Variants in PLCH2 observed in about 807,000 individuals in gnomAD.
The protein encoded by PLCH2 is 1-phosphatidylinositol 4,5-bisphosphate phosphodiesterase eta-2.
PLCH2 carries 98 observed loss-of-function variants against 134.7 expected under a neutral mutation model. The observed-to-expected ratio is 0.73, with a 90% CI of 0.62 to 0.86. PLCH2 has a LOEUF of 0.86. Ranked by LOEUF, PLCH2 falls within the 40% of genes least tolerant of loss-of-function variation. The probability of loss-of-function intolerance (pLI) is 0.00; values close to 1 mark genes in which losing one functional copy is unlikely to be tolerated. For missense variants in PLCH2, 1,994 were observed against 1,986.6 expected, an observed-to-expected ratio of 1.00 and a Z score of -0.07; for synonymous variants, 974 against 827.5, an observed-to-expected ratio of 1.18 and a Z score of -3.04.
rs957849793 is a variant in PLCH2 at position 2,448,331 on chromosome 1, C to A, written c.115+17702C>A. 6.6e-6 allele frequency among the ~76,000 whole-genome samples: 1 copy of A among 152,076 alleles called. No homozygotes were observed. Among genetic ancestry groups the A allele is most frequent in the Non-Finnish European group, 1.5e-5 (1 of 67,988 alleles). On this transcript the variant is annotated intron_variant, in intron 2 of 3. Transcript: ENST00000609981. This position sits in a 1 kb window ranked among gnomAD's most constrained non-coding sequence, Gnocchi z 4.0. The stretch of plus-strand genomic sequence containing the variant: ...GGCCGCGCTCCCTCTGCAGGCTCCC[C>A]GGGAGGAACTTCCTGGCCTCCTCCA...
chr1:2,498,814 T>G lies in PLCH2; in HGVS notation c.2420T>G (p.Val807Gly). The G allele has an allele frequency of 6.2e-7, 1 of 1,609,912 alleles. No individual in the cohort carries two copies. Among genetic ancestry groups the G allele is most frequent in the Non-Finnish European group, 8.5e-7 (1 of 1,177,908 alleles). Residue 807 changes from valine (V) to glycine (G), a missense_variant, in exon 18 of 22, where the codon GTG becomes GGG. By Grantham distance (109) the Val-to-Gly change is moderately radical. Coordinates refer to ENST00000378486, the MANE Select transcript of PLCH2 (RefSeq NM_014638.4). This position sits in a 1 kb window ranked among gnomAD's most constrained non-coding sequence, Gnocchi z 5.4. ...GACTGCAGCAGGGAGCAGACCCGCG[T>G]GGTGGACGACAACGGTGAGGCTGGG... Reference protein sequence around the residue: ...PVDCSREQTRVVDDNGFNPTW... With the variant: ...PVDCSREQTRGVDDNGFNPTW...
chr1:2,459,465 T>TCCTTGCTGGTGGTC (rs1557969694), intron 2 of PLCH2, among the ~76,000 whole-genome samples: 2 of 22,048 alleles, frequency 9.1e-5, no homozygotes, highest in South Asian at 2.4e-3. Context: ...TCCTGGTGGT[T>TCCTTGCTGGTGGTC]CTCCTTCCTG....
chr1:2,466,903 C>T (rs1042049470), upstream of PLCH2, among the ~76,000 whole-genome samples: 6 of 152,220 alleles, frequency 3.9e-5, no homozygotes, highest in African/African-American at 7.2e-5. Flanking sequence ...GGGCTGCAGC[C>T]GTCACCGTCA....
chr1:2,476,719 A>G lies in PLCH2; in HGVS notation c.124+7A>G, dbSNP rs1347929111. On this transcript the variant is annotated splice_region_variant and intron_variant, in intron 1 of 21. Coordinates refer to ENST00000378486, the MANE Select transcript of PLCH2 (RefSeq NM_014638.4). Reference sequence around the variant, plus strand: ...TGGCAGCTCGGCCCCCTGGGTAAGAAGGGGCAGGCGAGTGGCCTGGGCTGA... The same window carrying G: ...TGGCAGCTCGGCCCCCTGGGTAAGAGGGGGCAGGCGAGTGGCCTGGGCTGA... 5 of 1,602,492 alleles carry G rather than the reference A, an allele frequency of 3.1e-6. No homozygotes were observed. The highest frequency in any genetic ancestry group is 2.7e-5 in the African/African-American group (2 of 74,612).
At position 2,494,877 on chromosome 1, in the gene PLCH2, G is replaced by A; in HGVS notation, c.1681G>A (p.Glu561Lys). The stretch of plus-strand genomic sequence containing the variant: ...TCAGAGCAAGGCTGAAGAGGACGTG[G>A]AGTCTGGGGAGGATGCCGGGGCCAG... Reference protein sequence around the residue: ...GRKSKAEEDVESGEDAGASRR... With the variant: ...GRKSKAEEDVKSGEDAGASRR... The change falls in exon 12 of 22, where the codon GAG becomes AAG. Residue 561 changes from glutamate (E) to lysine (K), a missense_variant. Glu to Lys is a moderately conservative substitution (Grantham distance 56, BLOSUM62 1). This residue lies in a region of PLCH2 where 1,094 missense variants were observed against 1,234.3 expected (regional missense o/e 0.89). Coordinates refer to ENST00000378486, the MANE Select transcript of PLCH2 (RefSeq NM_014638.4). 1 of 1,606,654 alleles carries A rather than the reference G, an allele frequency of 6.2e-7. No individual in the cohort carries two copies.
At chr1:2,489,183 G>T in intron 8 of PLCH2, 24 bp from the exon 9 acceptor site, 1 of 1,610,252 alleles carries the variant, frequency 6.2e-7, no homozygotes, top group Non-Finnish European at 8.5e-7. Flanking sequence ...GCCTCATCCT[G>T]CTCTTTCTGC....
rs1341722229 is a variant in PLCH2 at position 2,489,193 on chromosome 1, C to T, written c.1236-14C>T. ...CCCTGGCCTCATCCTGCTCTTTCTGCCTTGGGGCCACAGGTACCCAGTGAT... is the reference window on the plus strand; with the variant it reads ...CCCTGGCCTCATCCTGCTCTTTCTGTCTTGGGGCCACAGGTACCCAGTGAT... On this transcript the variant is annotated splice_polypyrimidine_tract_variant and intron_variant, in intron 8 of 21. Coordinates refer to ENST00000378486, the MANE Select transcript of PLCH2 (RefSeq NM_014638.4). The T allele has an allele frequency of 6.2e-7, 1 of 1,612,210 alleles. No individual in the cohort carries two copies. Among genetic ancestry groups the T allele is most frequent in the South Asian group, 1.1e-5 (1 of 90,884 alleles).
At chr1:2,502,556 C>G in intron 21 of PLCH2, 147 bp downstream of exon 21, 1 of 898,092 alleles carries the variant, frequency 1.1e-6, no homozygotes, top group Non-Finnish European at 1.8e-6. Context: ...CGGGGGCCTG[C>G]AGAGGGAGCG....
rs773329656 is a variant in PLCH2, at chr1:2,498,841, C to T, written c.2434+13C>T. Reference sequence around the variant, plus strand: ...GTGGACGACAACGGTGAGGCTGGGCCGTGGCTCCGTCACACCTGTGATGGA... The same window carrying T: ...GTGGACGACAACGGTGAGGCTGGGCTGTGGCTCCGTCACACCTGTGATGGA... On this transcript the variant is annotated intron_variant, in intron 18 of 21. Transcript: ENST00000378486. The surrounding 1 kb of genome is among the most constrained non-coding windows in gnomAD (Gnocchi z 5.4). 12 of 1,593,078 alleles carry T rather than the reference C, an allele frequency of 7.5e-6. No homozygotes were observed. The highest frequency in any genetic ancestry group is 4.5e-5 in the East Asian group (2 of 44,514).
chr1:2,425,131 C>T (rs1301880935), upstream of PLCH2, among the ~76,000 whole-genome samples: 1 of 149,932 alleles, frequency 6.7e-6, no homozygotes, highest in Non-Finnish European at 1.5e-5. Flanking sequence ...CCACCGCACT[C>T]CAGCCTAGGC....
intron 2 of PLCH2, among the ~76,000 whole-genome samples, chr1:2,457,978 C>T (rs563132826): frequency 8.6e-5 from 13 of 151,692 alleles, no homozygotes; most frequent in South Asian, 4.2e-4. Context: ...GAGCAACGTG[C>T]GGGCCTCAGG....
rs778361609 is a variant in PLCH2 at position 2,504,194 on chromosome 1, G to A, written c.3232G>A (p.Gly1078Ser). ...GAGGGCCCCCGGCAGCCAGACGGACGGCAGGAGCCAGCCCCGGACCCTGGG... is the reference window on the plus strand; with the variant it reads ...GAGGGCCCCCGGCAGCCAGACGGACAGCAGGAGCCAGCCCCGGACCCTGGG... ...YERAPGSQTD[G>S]RSQPRTLGHL... Residue 1078 changes from glycine to serine, a missense_variant, in exon 22 of 22, where the codon GGC becomes AGC. By Grantham distance (56) the Gly-to-Ser change is moderately conservative (BLOSUM62 0). Around this residue, in one of 2 missense-constraint regions of PLCH2, gnomAD observed 900 missense variants for 752.3 expected, o/e 1.20. Coordinates refer to ENST00000378486, the MANE Select transcript of PLCH2 (RefSeq NM_014638.4). 49 of 1,547,414 alleles carry A rather than the reference G, an allele frequency of 3.2e-5. No homozygotes were observed. The East Asian group carries it at 5.6e-4, about 18-fold the overall frequency.
intron 2 of PLCH2, among the ~76,000 whole-genome samples, chr1:2,461,813 T>C (rs1640814381): frequency 6.6e-6 from 1 of 152,140 alleles, no homozygotes; most frequent in Non-Finnish European, 1.5e-5. Flanking sequence ...GGGGCCTTTG[T>C]TTGGGGAATG....
chr1:2,503,760 C>T (rs1048199206), intron 21 of PLCH2, 162 bp from the exon 22 acceptor site: 30 of 616,766 alleles, frequency 4.9e-5, no homozygotes, highest in Non-Finnish European at 7.3e-5. Flanking sequence ...GAGTGTGCCG[C>T]GCCCGGGGGA....
In PLCH2 at chr1:2,441,577, C is replaced by T. The variant is rs1343321851; in HGVS notation, c.115+10948C>T. 2.0e-5 allele frequency among the ~76,000 whole-genome samples: 3 copies of T among 152,194 alleles called. 1 individual carries two copies. In the South Asian group the frequency reaches 6.2e-4, roughly 32 times the overall value. On this transcript the variant is annotated intron_variant, in intron 2 of 3. Coordinates refer to the PLCH2 transcript ENST00000609981. ...GATCCCAGACCAGCTGATGCTGTCA[C>T]GGTGGGGTTTCCTCCTGGGAAGGAG...
rs1006966176 is a variant in PLCH2, at chr1:2,448,263, C to T, written c.115+17634C>T. ...TAAAAACGCCGCACGCTTATTCTCT[C>T]GCAGTCCTGGAGGCTGGAAGTCTGA... On this transcript the variant is annotated intron_variant, in intron 2 of 3. Transcript: ENST00000609981. This position sits in a 1 kb window ranked among gnomAD's most constrained non-coding sequence, Gnocchi z 4.0. 2.0e-5 allele frequency among the ~76,000 whole-genome samples: 3 copies of T among 152,280 alleles called. No individual in the cohort carries two copies. In the South Asian group the frequency reaches 6.2e-4, roughly 32 times the overall value.
In PLCH2 at chr1:2,478,388, G is replaced by A. The variant is rs1641755712; in HGVS notation, c.125-88G>A. 4.0e-6 allele frequency: 6 copies of A among 1,502,674 alleles called. No homozygotes were observed. In the Admixed American group the frequency reaches 1.0e-4, roughly 26 times the overall value. 93.1% of individuals were successfully genotyped at this position (1,502,674 alleles called of 1,614,324 possible). On this transcript the variant is annotated intron_variant, in intron 1 of 21. Coordinates refer to ENST00000378486, the MANE Select transcript of PLCH2 (RefSeq NM_014638.4). ...GCTGACGGCCGTGTTTCTCCCGTGA[G>A]GAGTGGCCGTGCCTCCGCTGACGGC...
In PLCH2 at chr1:2,496,528, C is replaced by T. The variant is rs531564595; in HGVS notation, c.1836-79C>T. 289 of 1,182,844 alleles carry T rather than the reference C, an allele frequency of 2.4e-4. No individual in the cohort carries two copies. In the African/African-American group the frequency reaches 3.5e-3, roughly 14 times the overall value. The allele number at this position is 1,182,844 out of a possible 1,614,324, so 73.3% of individuals were successfully genotyped here. A position where few individuals can be genotyped will look rare whatever the true frequency, so the allele number is the denominator to read the frequency against. ...GCGTGAATTAATGAGGCTGCCCGAG[C>T]CCTGGAGCCCGTCTCACGGAGCTGG... On this transcript the variant is annotated intron_variant, in intron 13 of 21. Transcript: ENST00000378486.
In PLCH2 at chr1:2,505,285, C is replaced by T; in HGVS notation, c.*72C>T. ...GTGGGCGTGTTGTTTGCTCAGGAAA[C>T]AGGGCAGCCAGGCCCCCAAAACTGT... On this transcript the variant is annotated 3_prime_UTR_variant, in exon 22 of 22. Transcript: ENST00000378486. 8.4e-7 allele frequency: 1 copy of T among 1,192,082 alleles called. No homozygotes were observed. The highest frequency in any genetic ancestry group is 1.4e-5 in the South Asian group (1 of 69,618). The allele number at this position is 1,192,082 out of a possible 1,614,324, so 73.8% of individuals were successfully genotyped here. A position where few individuals can be genotyped will look rare whatever the true frequency, so the allele number is the denominator to read the frequency against.
Sources: allele counts gnomAD v4.1 joint callset (sites outside exome capture counted in the v4.1 genomes callset), GRCh38; gene constraint gnomAD v4.1.1; regional missense constraint gnomAD v4.1.1; non-coding constraint Gnocchi (gnomAD v3.1); transcripts MANE v1.5; gene names NCBI Gene and HGNC (gene_info 2026-07-23, HGNC 2026-07-21).